CTNNA2: variants seen among roughly 807,000 people sequenced by gnomAD.
The protein encoded by CTNNA2 is catenin alpha 2, also known as catenin alpha-2.
CTNNA2 carries 42 observed loss-of-function variants against 101.0 expected under a neutral mutation model. The ratio of observed to expected loss-of-function variants is 0.42; its 90% CI spans 0.32 to 0.54. The LOEUF is 0.54. CTNNA2 is among the 20% of genes least tolerant of loss of function. The probability of loss-of-function intolerance (pLI) is 0.14; values close to 1 mark genes in which losing one functional copy is unlikely to be tolerated. For synonymous variants in CTNNA2, 450 were observed against 456.4 expected, an observed-to-expected ratio of 0.99 and a Z score of 0.18; for missense variants, 871 against 1,223.1, an observed-to-expected ratio of 0.71 and a Z score of 4.29.
chr2:80,465,099 A>G (rs1461805526), intron 9 of CTNNA2, among the ~76,000 whole-genome samples: 1 of 152,172 alleles, frequency 6.6e-6, no homozygotes, highest in East Asian at 1.9e-4. Flanking sequence ...AGTTATTCAT[A>G]TTCTCCAGCA....
chr2:79,494,832 AG>A (rs1442382295), intron 4 of CTNNA2, among the ~76,000 whole-genome samples: 1 of 152,056 alleles, frequency 6.6e-6, no homozygotes, highest in East Asian at 1.9e-4. Context: ...AACTTTTGGC[AG>A]GGCGTGGTGG....
At chr2:79,605,438 A>C (rs1677821602) in intron 1 of CTNNA2, among the ~76,000 whole-genome samples, 1 of 151,742 alleles carries the variant, frequency 6.6e-6, no homozygotes, top group African/African-American at 2.4e-5. Context: ...CCGGAGATCA[A>C]AGAAGTGAAA....
At chr2:79,748,738 A>AATAT (rs150312102) in intron 3 of CTNNA2, among the ~76,000 whole-genome samples, 61 of 150,628 alleles carry the variant, frequency 4.0e-4, no homozygotes, top group African/African-American at 1.3e-3. Context: ...TTTATCATTA[A>AATAT]ATATATATAT....
intron 3 of CTNNA2, among the ~76,000 whole-genome samples, chr2:79,843,203 G>A (rs932110743): frequency 1.3e-5 from 2 of 152,212 alleles, no homozygotes; most frequent in African/African-American, 4.8e-5. Context: ...GCACTTTGGT[G>A]GAAAGTTGAT....
At chr2:80,340,379 G>A (rs1220131872) in intron 7 of CTNNA2, among the ~76,000 whole-genome samples, 2 of 152,168 alleles carry the variant, frequency 1.3e-5, no homozygotes, top group Non-Finnish European at 2.9e-5. Flanking sequence ...TCAAGTTTAT[G>A]GCTTTAAGAG....
intron 3 of CTNNA2, among the ~76,000 whole-genome samples, chr2:79,854,584 A>G: frequency 6.6e-6 from 1 of 152,216 alleles, no homozygotes; most frequent in East Asian, 1.9e-4. Flanking sequence ...AAGCTTTTAG[A>G]ACAATACTTA....
intron 2 of CTNNA2, among the ~76,000 whole-genome samples, chr2:79,236,629 G>A (rs780695746): frequency 6.6e-5 from 10 of 152,172 alleles, no homozygotes; most frequent in Non-Finnish European, 1.3e-4. Context: ...ATTGGAGTCA[G>A]CTCTCCCAAA....
intron 4 of CTNNA2, among the ~76,000 whole-genome samples, chr2:79,414,871 G>A (rs536249403): frequency 3.9e-5 from 6 of 152,158 alleles, no homozygotes; most frequent in Admixed American, 6.6e-5. Context: ...TGTACCATAC[G>A]AATGGCCATA....
At chr2:79,962,378 C>T (rs1015393772) in intron 7 of CTNNA2, among the ~76,000 whole-genome samples, 3 of 152,324 alleles carry the variant, frequency 2.0e-5, no homozygotes, top group East Asian at 1.9e-4. Flanking sequence ...ACCTATTCAC[C>T]TCCCAAAGGC....
At chr2:80,109,836 C>CT (rs1429922581) in intron 7 of CTNNA2, among the ~76,000 whole-genome samples, 5 of 152,090 alleles carry the variant, frequency 3.3e-5, no homozygotes, top group South Asian at 2.1e-4. Context: ...TCACTAAATG[C>CT]TTTTTTTACT....
chr2:79,244,490 A>T (rs1225888430), intron 2 of CTNNA2, among the ~76,000 whole-genome samples: 2 of 152,124 alleles, frequency 1.3e-5, no homozygotes, highest in Non-Finnish European at 2.9e-5. Context: ...CACAGGCACT[A>T]AGTTTGTGTA....
At chr2:80,608,110 G>T (rs1698175963) in intron 16 of CTNNA2, 74 bp from the exon 17 acceptor site, 1 of 1,459,208 alleles carries the variant, frequency 6.9e-7, no homozygotes, top group East Asian at 2.3e-5. Context: ...TTTTCTTCCT[G>T]CAGCTTTTCT....
At chr2:80,378,359 AAAATAAATAAATAAATAAATAAAT>A (rs70940081) in intron 7 of CTNNA2, among the ~76,000 whole-genome samples, 19 of 126,930 alleles carry the variant, frequency 1.5e-4, no homozygotes, top group East Asian at 2.4e-4. Context: ...TCTGTCTCAA[AAAATAAATAAATAAATAAATAAAT>A]AAATAAATAA....
chr2:79,924,085 T>C (rs546478307), intron 7 of CTNNA2, among the ~76,000 whole-genome samples: 8 of 152,224 alleles, frequency 5.3e-5, no homozygotes, highest in Admixed American at 4.6e-4. Flanking sequence ...AGTGGATGAA[T>C]GGATAAAGAA....
Position 80,537,813 on chromosome 2 carries a change from G to A in CTNNA2, c.1291-7169G>A, listed in dbSNP as rs147737675. On this transcript the variant is annotated intron_variant, in intron 9 of 18. Transcript: ENST00000402739. ...TCTCCATGTTGGTCAGGCTGTTCTC[G>A]AACTCCCGACCTCAGATAATCCACT... 5.4e-3 allele frequency among the ~76,000 whole-genome samples: 823 copies of A among 151,976 alleles called. 6 individuals carry two copies. The highest frequency in any genetic ancestry group is 0.019 in the African/African-American group (777 of 41,462).
intron 2 of CTNNA2, among the ~76,000 whole-genome samples, chr2:79,712,025 GAA>G (rs1002162040): frequency 2.0e-5 from 3 of 152,092 alleles, no homozygotes; most frequent in Non-Finnish European, 4.4e-5. Flanking sequence ...AGGATAAAAA[GAA>G]AGAACATTAT....
chr2:80,573,885 A>ACACACTACAC (rs1381089296), intron 12 of CTNNA2, among the ~76,000 whole-genome samples: 3 of 152,248 alleles, frequency 2.0e-5, no homozygotes, highest in Admixed American at 6.5e-5. Flanking sequence ...AACTATATTC[A>ACACACTACAC]CACACTACAC....
chr2:79,924,221 CT>C (rs890826777), intron 7 of CTNNA2, among the ~76,000 whole-genome samples: 2 of 150,248 alleles, frequency 1.3e-5, no homozygotes, highest in African/African-American at 4.8e-5. Flanking sequence ...AAGGAATCAT[CT>C]TTTTTAAAAC....
At chr2:79,290,220 G>A (rs6733601) in intron 2 of CTNNA2, among the ~76,000 whole-genome samples, 127,064 of 152,174 alleles carry the variant, frequency 0.83, 53,200 homozygotes, top group African/African-American at 0.85. Context: ...TGGTCAACTA[G>A]TACCATTTAT....
Sources: gnomAD v4.1 joint callset for allele counts (sites outside exome capture counted in the v4.1 genomes callset) on GRCh38, gnomAD v4.1.1 for gene constraint, MANE v1.5 for transcripts, NCBI Gene and HGNC (gene_info 2026-07-23, HGNC 2026-07-21) for gene names.